The following POLR1A variants were observed in gnomAD, a reference collection of about 807,000 sequenced individuals.
POLR1A encodes the protein DNA-directed RNA polymerase I subunit RPA1.
Under a neutral mutation model 205.3 loss-of-function variants are expected in POLR1A, and 84 were observed. The ratio of observed to expected loss-of-function variants is 0.41; its 90% CI spans 0.34 to 0.49. The LOEUF is 0.49. POLR1A is among the 20% of genes least tolerant of loss of function. POLR1A has a pLI of 0.22. For synonymous variants in POLR1A, 799 were observed against 863.7 expected (o/e 0.93, Z 1.31); for missense variants, 1,645 against 2,204.5 (o/e 0.75, Z 5.08).
In POLR1A at chr2:86,026,365, T is replaced by C. The variant is rs1034504030; in HGVS notation, c.*1058A>G. 1 of 152,256 alleles carries C rather than the reference T, an allele frequency of 6.6e-6. No homozygotes were observed. The highest frequency in any genetic ancestry group is 1.9e-4 in the East Asian group (1 of 5,206). The allele number at this position is 152,256 out of a possible 1,614,324, so 9.4% of individuals were successfully genotyped here. A position where few individuals can be genotyped will look rare whatever the true frequency, so the allele number is the denominator to read the frequency against. On this transcript the variant is annotated 3_prime_UTR_variant, in exon 34 of 34. Transcript: ENST00000263857. ...AAACCAAGTTTTTTTTCTTTCCTAA[T>C]AGCTAGTTCCAATGATGTTAATTAC...
rs368565200 is a variant in POLR1A at position 86,069,992 on chromosome 2, C to G, written c.1866+26G>C. The G allele has an allele frequency of 8.1e-6, 13 of 1,602,618 alleles. No individual in the cohort carries two copies. The African/African-American group carries it at 1.7e-4, about 21-fold the overall frequency. ...TGCTAAGTCATGCTGACGATGACCA[C>G]GGAACAGCCTCAAGGCCAGACCTAC... On this transcript the variant is annotated intron_variant, in intron 13 of 33. Coordinates refer to ENST00000263857, the MANE Select transcript of POLR1A (RefSeq NM_015425.6).
intron 16 of POLR1A, 54 bp downstream of exon 16, chr2:86,052,763 C>T: frequency 8.6e-6 from 12 of 1,389,268 alleles, no homozygotes; most frequent in South Asian, 3.1e-5. Flanking sequence ...TGGGAGATGG[C>T]CAGGCGGCTG....
At chr2:86,076,658 G>A (rs993277203) in intron 11 of POLR1A, among the ~76,000 whole-genome samples, 6 of 152,290 alleles carry the variant, frequency 3.9e-5, no homozygotes, top group South Asian at 4.1e-4. Flanking sequence ...AAGTGACTTC[G>A]GGGTCTCTCC....
intron 13 of POLR1A, among the ~76,000 whole-genome samples, chr2:86,068,290 C>A (rs1263534392): frequency 6.6e-6 from 1 of 150,756 alleles, no homozygotes; most frequent in Non-Finnish European, 1.5e-5. Context: ...CAGAGACCCA[C>A]ACAGTTCTGG....
rs1176656094 is a variant in POLR1A at position 86,089,804 on chromosome 2, A to C, written c.540+18T>G. The C allele has an allele frequency of 7.1e-7, 1 of 1,404,986 alleles. No homozygotes were observed. The highest frequency in any genetic ancestry group is 1.0e-6 in the Non-Finnish European group (1 of 989,102). 87.0% of individuals were successfully genotyped at this position (1,404,986 alleles called of 1,614,324 possible). A position where few individuals can be genotyped will look rare whatever the true frequency, so the allele number is the denominator to read the frequency against. The stretch of plus-strand genomic sequence containing the variant: ...ATGATGCCCAAAACAGCATGGGAGA[A>C]AGACAGTGTTAACTCACATGTGCGC... On this transcript the variant is annotated intron_variant, in intron 4 of 33. Coordinates refer to ENST00000263857, the MANE Select transcript of POLR1A (RefSeq NM_015425.6).
chr2:86,029,434 G>A (rs1203817181), intron 31 of POLR1A, among the ~76,000 whole-genome samples: 4 of 152,074 alleles, frequency 2.6e-5, no homozygotes, highest in Admixed American at 2.6e-4. Context: ...GGAGTACTTG[G>A]AGACACAGCT....
intron 1 of POLR1A, among the ~76,000 whole-genome samples, chr2:86,105,126 T>C (rs1673901002): frequency 2.0e-5 from 3 of 152,208 alleles, no homozygotes; most frequent in Admixed American, 2.0e-4. Flanking sequence ...GAGGTAGAAG[T>C]ATTTGTCATA....
Position 86,042,742 on chromosome 2 carries a change from C to T in POLR1A, c.3357+232G>A, listed in dbSNP as rs564415730. On this transcript the variant is annotated intron_variant, in intron 23 of 33. Transcript: ENST00000263857. ...CTCCCCATTCCTTCACACCTGGGAT[C>T]GCGGGGAACCCCGAAGTCACAGGCC... 3.3e-5 allele frequency among the ~76,000 whole-genome samples: 5 copies of T among 150,792 alleles called. 1 individual carries two copies. Among genetic ancestry groups the T allele is most frequent in the East Asian group, 1.9e-4 (1 of 5,194 alleles).
chr2:86,042,868 T>C (rs1038241760), intron 23 of POLR1A, 106 bp downstream of exon 23: 2 of 806,580 alleles, frequency 2.5e-6, no homozygotes, highest in Non-Finnish European at 4.3e-6. Context: ...TGAACAAAGC[T>C]GGAGTTCATG....
chr2:86,084,863 GTCA>G (rs1033307036), intron 6 of POLR1A, among the ~76,000 whole-genome samples: 8 of 152,094 alleles, frequency 5.3e-5, no homozygotes, highest in African/African-American at 1.9e-4. Context: ...CAGAGGATAT[GTCA>G]TCATAAGTTT....
intron 13 of POLR1A, among the ~76,000 whole-genome samples, chr2:86,067,632 G>C (rs183512638): frequency 1.2e-4 from 19 of 152,154 alleles, no homozygotes; most frequent in Admixed American, 6.5e-4. Context: ...TGGTAATAGA[G>C]AAGAAATTGA....
intron 13 of POLR1A, among the ~76,000 whole-genome samples, chr2:86,068,386 C>CGGGGGGGGCGGGGG (rs1553436018): frequency 8.2e-5 from 1 of 12,222 alleles, no homozygotes; most frequent in African/African-American, 4.5e-4. Flanking sequence ...AGCACATGGG[C>CGGGGGGGGCGGGGG]GGGGGGGGGG....
chr2:86,021,044 G>A lies in POLR1A; in HGVS notation c.*6379C>T, dbSNP rs1054177565. The stretch of plus-strand genomic sequence containing the variant: ...AGCTCAGTGTCTTGCCCAAAACGCA[G>A]CCTCACTGCTCAATCACATTCTTGA... On this transcript the variant is annotated 3_prime_UTR_variant, in exon 34 of 34. Coordinates refer to ENST00000263857, the MANE Select transcript of POLR1A (RefSeq NM_015425.6). 1 of 152,246 alleles carries A rather than the reference G, an allele frequency of 6.6e-6. No homozygotes were observed. Among genetic ancestry groups the A allele is most frequent in the Non-Finnish European group, 1.5e-5 (1 of 68,044 alleles). The allele number at this position is 152,246 out of a possible 1,614,324, so 9.4% of individuals were successfully genotyped here. A position where few individuals can be genotyped will look rare whatever the true frequency, so the allele number is the denominator to read the frequency against.
intron 23 of POLR1A, among the ~76,000 whole-genome samples, chr2:86,042,612 A>G (rs1672632820): frequency 6.6e-6 from 1 of 152,212 alleles, no homozygotes. Flanking sequence ...AGGCAGGAGG[A>G]AGGGGATCCT....
At position 86,062,517 on chromosome 2, in the gene POLR1A, T is replaced by C. The variant is rs559867333; in HGVS notation, c.2058+2757A>G. On this transcript the variant is annotated intron_variant, in intron 14 of 33. Coordinates refer to ENST00000263857, the MANE Select transcript of POLR1A (RefSeq NM_015425.6). ...AAATTAGAAAGTATTCTGAAGTAGA[T>C]GAAATGAAAACACAACATATTAATT... Among the ~76,000 whole-genome samples, 18 of 151,824 alleles carry C rather than the reference T, an allele frequency of 1.2e-4. 2 individuals carry two copies. The South Asian group carries it at 3.5e-3, about 30-fold the overall frequency.
At chr2:86,058,759 T>TA (rs1347190151) in intron 14 of POLR1A, among the ~76,000 whole-genome samples, 3 of 151,950 alleles carry the variant, frequency 2.0e-5, no homozygotes, top group Admixed American at 2.0e-4. Context: ...AAAATGGATT[T>TA]AAAAAAATGT....
chr2:86,044,381 G>A (rs1303502584), intron 21 of POLR1A, 77 bp from the exon 22 acceptor site: 2 of 1,511,454 alleles, frequency 1.3e-6, no homozygotes, highest in East Asian at 2.3e-5. Context: ...GTTGGGGGCA[G>A]TGGAGGGGAG....
rs764023902 is a variant in POLR1A at position 86,070,589 on chromosome 2, T to A, written c.1612-317A>T. 6.6e-6 allele frequency among the ~76,000 whole-genome samples: 1 copy of A among 152,010 alleles called. No individual in the cohort carries two copies. Among genetic ancestry groups the A allele is most frequent in the Non-Finnish European group, 1.5e-5 (1 of 68,028 alleles). ...CAGGTTTCTGGATTACTCTGAAAAC[T>A]AATCCAAAGAAAGAAATGGATACAA... On this transcript the variant is annotated intron_variant, in intron 12 of 33. Coordinates refer to ENST00000263857, the MANE Select transcript of POLR1A (RefSeq NM_015425.6). This position sits in a 1 kb window ranked among gnomAD's most constrained non-coding sequence, Gnocchi z 4.4.
At chr2:86,042,153 T>C (rs368930964) in intron 23 of POLR1A, 50 bp from the exon 24 acceptor site, 7 of 1,314,144 alleles carry the variant, frequency 5.3e-6, no homozygotes, top group Non-Finnish European at 7.7e-6. Flanking sequence ...CCCAGTAGCA[T>C]AAGAGGGATC....
Sources: gnomAD v4.1 joint callset for allele counts (sites outside exome capture counted in the v4.1 genomes callset) on GRCh38, gnomAD v4.1.1 for gene constraint, Gnocchi (gnomAD v3.1) non-coding constraint, MANE v1.5 for transcripts, NCBI Gene and HGNC (gene_info 2026-07-23, HGNC 2026-07-21) for gene names.